The following TARS2 variants were observed in gnomAD, a reference collection of about 807,000 sequenced individuals.
The protein encoded by TARS2 is threonine--tRNA ligase, mitochondrial.
A neutral mutation model predicts 94.4 loss-of-function variants in TARS2; 61 were observed. The ratio of observed to expected loss-of-function variants is 0.65; its 90% CI spans 0.53 to 0.80. The LOEUF is 0.80. Ranked by LOEUF, TARS2 falls within the 30% of genes least tolerant of loss-of-function variation. The pLI, the probability that TARS2 is intolerant of heterozygous loss-of-function variation, is 0.00. For synonymous variants in TARS2, 359 were observed against 353.4 expected (o/e 1.02, Z -0.18); for missense variants, 704 against 902.5 (o/e 0.78, Z 2.82).
chr1:150,503,577 G>GTGTGTGTA (rs1553905434), intron 13 of TARS2, among the ~76,000 whole-genome samples: 1 of 141,452 alleles, frequency 7.1e-6, no homozygotes, highest in African/African-American at 2.7e-5. Flanking sequence ...GTGTGTGTGT[G>GTGTGTGTA]TATATATATG....
At chr1:150,502,627 G>A (rs1405633359) in intron 13 of TARS2, among the ~76,000 whole-genome samples, 1 of 152,094 alleles carries the variant, frequency 6.6e-6, no homozygotes, top group African/African-American at 2.4e-5. Context: ...GACCTCAGGT[G>A]GTCCACCTAC....
chr1:150,496,327 T>C (rs1669661127), intron 7 of TARS2, among the ~76,000 whole-genome samples, 155 bp from the exon 8 acceptor site: 1 of 152,114 alleles, frequency 6.6e-6, no homozygotes, highest in Admixed American at 6.6e-5. Context: ...TCTAGAAGAA[T>C]GGTGTCTAGA....
At position 150,491,672 on chromosome 1, in the gene TARS2, G is replaced by A; in HGVS notation, c.695+10G>A. 2 of 1,614,034 alleles carry A rather than the reference G, an allele frequency of 1.2e-6. No homozygotes were observed. Among genetic ancestry groups the A allele is most frequent in the Non-Finnish European group, 1.7e-6 (2 of 1,179,968 alleles). ...CAGCAACAGTATATGGGTAAGAGTT[G>A]TCAAGATTAAGGCAAACAGAGAGGT... On this transcript the variant is annotated intron_variant, in intron 6 of 17. Transcript: ENST00000369064.
chr1:150,502,941 C>G (rs1669991018), intron 13 of TARS2, among the ~76,000 whole-genome samples: 5 of 152,052 alleles, frequency 3.3e-5, no homozygotes, highest in Admixed American at 3.3e-4. Context: ...AGAGGTTAAA[C>G]AATGTGCTTA....
chr1:150,504,309 C>T (rs761400608), intron 13 of TARS2, 26 bp from the exon 14 acceptor site: 73 of 1,610,838 alleles, frequency 4.5e-5, no homozygotes, highest in African/African-American at 2.4e-4. Context: ...TGGCTTATCT[C>T]GTGCCTTCCC....
Position 150,503,625 on chromosome 1 carries a change from GTA to G in TARS2, c.1618-704_1618-703del, listed in dbSNP as rs1263338831. ...TGTATGTGTGTATATATATGTGTGTGTATATATGTGTGTGTATATATGTGTGT... is the reference window on the plus strand; with the variant it reads ...TGTATGTGTGTATATATATGTGTGTGTATATGTGTGTGTATATATGTGTGT... On this transcript the variant is annotated intron_variant, in intron 13 of 17. Transcript: ENST00000369064. 7.6e-4 allele frequency among the ~76,000 whole-genome samples: 90 copies of G among 118,700 alleles called. 1 individual carries two copies. The highest frequency in any genetic ancestry group is 9.0e-4 in the South Asian group (3 of 3,350). The allele number at this position is 118,700 out of a possible 152,430, so 77.9% of individuals were successfully genotyped here.
chr1:150,488,740 A>AT (rs1439324767), intron 2 of TARS2: 2 of 470,690 alleles, frequency 4.2e-6, no homozygotes, highest in Admixed American at 7.7e-5. Flanking sequence ...GCTATGGAAC[A>AT]TTAGAGCATA....
intron 13 of TARS2, among the ~76,000 whole-genome samples, chr1:150,499,807 A>G (rs972160147): frequency 4.6e-5 from 7 of 152,150 alleles, no homozygotes; most frequent in Non-Finnish European, 7.3e-5. Context: ...TGTAGGTACC[A>G]AGAGAGCACG....
rs778601041 is a variant in TARS2, at chr1:150,496,766, T to A, written c.922-44T>A. The stretch of plus-strand genomic sequence containing the variant: ...AGTTGTTCTGAGTTCCAAAGCCACC[T>A]CCTTGCCCTTGAGGTGACCCAATAT... On this transcript the variant is annotated intron_variant, in intron 8 of 17. Coordinates refer to ENST00000369064, the MANE Select transcript of TARS2 (RefSeq NM_025150.5). The A allele has an allele frequency of 5.6e-6, 9 of 1,611,126 alleles. No homozygotes were observed. The Admixed American group carries it at 1.0e-4, about 18-fold the overall frequency.
rs934307035 is a variant in TARS2 at position 150,491,672 on chromosome 1, G to C, written c.695+10G>C. 6.2e-7 allele frequency: 1 copy of C among 1,614,034 alleles called. No homozygotes were observed. The highest frequency in any genetic ancestry group is 8.5e-7 in the Non-Finnish European group (1 of 1,179,968). ...CAGCAACAGTATATGGGTAAGAGTTGTCAAGATTAAGGCAAACAGAGAGGT... is the reference window on the plus strand; with the variant it reads ...CAGCAACAGTATATGGGTAAGAGTTCTCAAGATTAAGGCAAACAGAGAGGT... On this transcript the variant is annotated intron_variant, in intron 6 of 17. Transcript: ENST00000369064.
intron 7 of TARS2, among the ~76,000 whole-genome samples, chr1:150,494,468 G>C (rs1166792676): frequency 6.6e-6 from 1 of 151,848 alleles, no homozygotes; most frequent in African/African-American, 2.4e-5. Flanking sequence ...GGCCAGGTGC[G>C]GTGGTTCACA....
At chr1:150,494,352 C>T (rs1000312846) in intron 7 of TARS2, among the ~76,000 whole-genome samples, 24 of 133,542 alleles carry the variant, frequency 1.8e-4, no homozygotes, top group African/African-American at 5.6e-4. Context: ...GCCTGGGCCA[C>T]GGAGCGAGAC....
chr1:150,506,960 A>C lies in TARS2; in HGVS notation c.2053A>C (p.Thr685Pro). ...EQSKRTVNIR[T>P]RDNRRLGEWD... ...AAGTAAGAGAACAGTGAACATTCGGACTCGAGATAATCGTCGCCTTGGGGA... is the reference window on the plus strand; with the variant it reads ...AAGTAAGAGAACAGTGAACATTCGGCCTCGAGATAATCGTCGCCTTGGGGA... The change falls in exon 18 of 18, where the codon ACT (threonine) becomes CCT (proline). Residue 685 changes from threonine to proline, a missense_variant. Physicochemically the swap from Thr to Pro is conservative, Grantham distance 38. This residue lies in a region of TARS2 where 466 missense variants were observed against 609.5 expected (regional missense o/e 0.76). Transcript: ENST00000369064. The C allele has an allele frequency of 6.2e-7, 1 of 1,614,028 alleles. No individual in the cohort carries two copies. Among genetic ancestry groups the C allele is most frequent in the African/African-American group, 1.3e-5 (1 of 75,004 alleles).
intron 13 of TARS2, among the ~76,000 whole-genome samples, chr1:150,501,141 C>A (rs1669892542): frequency 6.6e-6 from 1 of 151,408 alleles, no homozygotes; most frequent in Non-Finnish European, 1.5e-5. Flanking sequence ...AGTGAGGGGG[C>A]TGAAGATATG....
intron 13 of TARS2, among the ~76,000 whole-genome samples, chr1:150,500,200 A>T (rs1669851784): frequency 6.6e-6 from 1 of 151,968 alleles, no homozygotes; most frequent in South Asian, 2.1e-4. Flanking sequence ...CCAAGGGGAA[A>T]AAAGGACTGA....
At chr1:150,491,359 A>G (rs751227361) in intron 4 of TARS2, 35 bp from the exon 5 acceptor site, 1 of 1,609,478 alleles carries the variant, frequency 6.2e-7, no homozygotes, top group South Asian at 1.1e-5. Context: ...GATGCACCTC[A>G]TAGGATGCAA....
chr1:150,489,198 G>A, intron 3 of TARS2, 111 bp downstream of exon 3: 3 of 1,503,716 alleles, frequency 2.0e-6, no homozygotes, highest in Non-Finnish European at 2.8e-6. Context: ...GCAGTTGGGA[G>A]GGAGACCTAC....
At chr1:150,498,828 C>T (rs1570855393) in intron 11 of TARS2, 69 bp from the exon 12 acceptor site, 2 of 1,610,926 alleles carry the variant, frequency 1.2e-6, no homozygotes, top group East Asian at 2.2e-5. Context: ...CCTTTGTTTT[C>T]CTCAAACTGC....
intron 7 of TARS2, among the ~76,000 whole-genome samples, chr1:150,492,891 T>C (rs995254130): frequency 1.8e-4 from 25 of 141,678 alleles, no homozygotes; most frequent in Admixed American, 2.8e-4. Flanking sequence ...GGCACCCCCC[T>C]TTTTTTTTTT....
Sources: gnomAD v4.1 joint callset for allele counts (sites outside exome capture counted in the v4.1 genomes callset) on GRCh38, gnomAD v4.1.1 for gene constraint, gnomAD v4.1.1 regional missense constraint, MANE v1.5 for transcripts, NCBI Gene and HGNC (gene_info 2026-07-23, HGNC 2026-07-21) for gene names.